Variants in ARHGAP28 observed in about 807,000 individuals in gnomAD.
ARHGAP28 encodes Rho GTPase activating protein 28, also known as rho GTPase-activating protein 28.
In ARHGAP28, 56 loss-of-function variants were observed where a neutral mutation model predicts 90.7. That is an observed-to-expected ratio of 0.62 (90% CI 0.50 to 0.77). The LOEUF is 0.77. ARHGAP28 is among the 30% of genes least tolerant of loss of function. The pLI, the probability that ARHGAP28 is intolerant of heterozygous loss-of-function variation, is 0.00. For synonymous variants in ARHGAP28, 308 were observed against 323.3 expected (o/e 0.95, Z 0.51); for missense variants, 869 against 900.9 (o/e 0.96, Z 0.45).
intron 1 of ARHGAP28, among the ~76,000 whole-genome samples, chr18:6,779,343 G>T (rs1209183245): frequency 6.6e-6 from 1 of 152,190 alleles, no homozygotes; most frequent in Non-Finnish European, 1.5e-5. Flanking sequence ...GCTGATTAGG[G>T]TTGTGGAATT....
chr18:6,759,236 A>G (rs529609934), intron 1 of ARHGAP28, among the ~76,000 whole-genome samples: 5 of 152,280 alleles, frequency 3.3e-5, no homozygotes, highest in African/African-American at 1.2e-4. Context: ...ATGTTTTATT[A>G]AAGAGTTGGT....
rs1327614750 is a variant in ARHGAP28, at chr18:6,915,441, T to G, written c.*3287T>G. 6.6e-6 allele frequency: 1 copy of G among 152,212 alleles called. No individual in the cohort carries two copies. Among genetic ancestry groups the G allele is most frequent in the African/African-American group, 2.4e-5 (1 of 41,466 alleles). The allele number at this position is 152,212 out of a possible 1,614,324, so 9.4% of individuals were successfully genotyped here. On this transcript the variant is annotated 3_prime_UTR_variant, in exon 18 of 18. Coordinates refer to ENST00000383472, the MANE Select transcript of ARHGAP28 (RefSeq NM_001366230.1). ...TTTAACTGTTTTCCACAAATAAAAA[T>G]AATATGTCATGGGATTAAAATGTTT...
chr18:6,854,427 G>A (rs543031853), intron 4 of ARHGAP28, among the ~76,000 whole-genome samples: 4 of 152,222 alleles, frequency 2.6e-5, no homozygotes, highest in Non-Finnish European at 4.4e-5. Flanking sequence ...TGGTCAGCAC[G>A]TAGTGGGTCT....
At chr18:6,864,216 C>A (rs1469142825) in intron 5 of ARHGAP28, among the ~76,000 whole-genome samples, 1 of 152,116 alleles carries the variant, frequency 6.6e-6, no homozygotes, top group African/African-American at 2.4e-5. Flanking sequence ...CAAGCGCACA[C>A]CACCATGCCT....
intron 2 of ARHGAP28, among the ~76,000 whole-genome samples, chr18:6,830,251 T>C (rs1402051881): frequency 1.3e-5 from 2 of 152,218 alleles, no homozygotes; most frequent in Admixed American, 6.5e-5. Context: ...ATAGTCACCG[T>C]ACTGTGCTAC....
rs372462113 is a variant in ARHGAP28 at position 6,870,654 on chromosome 18, T to C, written c.876T>C (p.Tyr292=). 164 of 1,612,660 alleles carry C rather than the reference T, an allele frequency of 1.0e-4. No individual in the cohort carries two copies. Among genetic ancestry groups the C allele is most frequent in the Non-Finnish European group, 1.3e-4 (152 of 1,179,102 alleles). ...EAEELSFEVS[Y]SEMVTEALKR... is the part of the protein sequence containing the mutation. ...AAGAGCTGTCATTTGAAGTGTCTTA[T>C]TCAGAAATGGTTACGGAGGCTCTAA... The change falls in exon 7 of 18, where the codon TAT becomes TAC. Residue 292 remains tyrosine (Y), a synonymous_variant. Transcript: ENST00000383472.
intron 1 of ARHGAP28, among the ~76,000 whole-genome samples, chr18:6,748,162 A>T (rs35451382): frequency 0.38 from 58,073 of 151,932 alleles, 12,618 homozygotes; most frequent in East Asian, 0.55. Flanking sequence ...CTGGAATGAC[A>T]CCACCCCTAG....
intron 1 of ARHGAP28, chr18:6,774,264 C>A (rs145901558): frequency 6.6e-6 from 1 of 152,138 alleles, no homozygotes; most frequent in Admixed American, 6.5e-5. Context: ...TTAATAACTT[C>A]GGCCACAGAC....
At chr18:6,752,722 A>G (rs993963636) in intron 1 of ARHGAP28, among the ~76,000 whole-genome samples, 1 of 152,162 alleles carries the variant, frequency 6.6e-6, no homozygotes, top group Non-Finnish European at 1.5e-5. Flanking sequence ...TGTGTGACAC[A>G]GCAGGCTTTT....
intron 1 of ARHGAP28, among the ~76,000 whole-genome samples, chr18:6,771,517 A>G (rs2143409686): frequency 6.6e-6 from 1 of 152,348 alleles, no homozygotes; most frequent in African/African-American, 2.4e-5. Context: ...AGAGGGAATT[A>G]TGTTCCACAT....
At chr18:6,804,336 G>A (rs2056503492) in intron 1 of ARHGAP28, among the ~76,000 whole-genome samples, 1 of 151,992 alleles carries the variant, frequency 6.6e-6, no homozygotes, top group Non-Finnish European at 1.5e-5. Flanking sequence ...TCTTTTTCCT[G>A]ATCCATCTGG....
chr18:6,763,081 GTTGT>G lies in ARHGAP28; in HGVS notation c.122+33161_122+33164del, dbSNP rs57953826. Among the ~76,000 whole-genome samples, 694 of 151,560 alleles carry G rather than the reference GTTGT, an allele frequency of 4.6e-3. 5 individuals carry two copies. Among genetic ancestry groups the G allele is most frequent in the African/African-American group, 0.013 (522 of 41,330 alleles). ...TCACAATAACTTTATGAGAGGGATG[GTTGT>G]TTGTTTGTTTGTTTGTTTGTTTTGA... On this transcript the variant is annotated intron_variant, in intron 1 of 17. Transcript: ENST00000383472.
intron 3 of ARHGAP28, among the ~76,000 whole-genome samples, chr18:6,838,181 G>A (rs2056769019): frequency 6.6e-6 from 1 of 152,224 alleles, no homozygotes; most frequent in African/African-American, 2.4e-5. Context: ...ATGCAGATGG[G>A]ATTCTTGAAA....
intron 1 of ARHGAP28, among the ~76,000 whole-genome samples, chr18:6,816,689 G>A (rs1405014375): frequency 6.6e-6 from 1 of 152,186 alleles, no homozygotes; most frequent in Non-Finnish European, 1.5e-5. Flanking sequence ...TGTACATGTA[G>A]GTGGGGATGT....
At chr18:6,803,278 T>G (rs2056495451) in intron 1 of ARHGAP28, among the ~76,000 whole-genome samples, 1 of 152,126 alleles carries the variant, frequency 6.6e-6, no homozygotes, top group Admixed American at 6.5e-5. Context: ...TTGCTAAGAA[T>G]TTTTTTACAG....
chr18:6,841,208 C>CCTCTCTCTCTCTCTCTCTCTCTCTCTCT (rs369622522), intron 3 of ARHGAP28, among the ~76,000 whole-genome samples: 3 of 43,132 alleles, frequency 7.0e-5, no homozygotes, highest in Non-Finnish European at 1.3e-4. Context: ...TCTCTCCTCT[C>CCTCTCTCTCTCTCTCTCTCTCTCTCTCT]CTCTCTCTCT....
At chr18:6,839,333 G>C (rs530347097) in intron 3 of ARHGAP28, among the ~76,000 whole-genome samples, 11 of 134,600 alleles carry the variant, frequency 8.2e-5, no homozygotes, top group South Asian at 2.3e-4. Flanking sequence ...TCGCTCTGTC[G>C]CCCAGGCTGG....
chr18:6,915,512 A>T lies in ARHGAP28; in HGVS notation c.*3358A>T, dbSNP rs1009000427. On this transcript the variant is annotated 3_prime_UTR_variant, in exon 18 of 18. Transcript: ENST00000383472. The stretch of plus-strand genomic sequence containing the variant: ...GTTTTACACACTTACATACACCTTA[A>T]TTAAAAATTTTTTTCTGTCAGACAT... 6 of 52,488 alleles carry T rather than the reference A, an allele frequency of 1.1e-4. No individual in the cohort carries two copies. Among genetic ancestry groups the T allele is most frequent in the African/African-American group, 3.7e-4 (6 of 16,102 alleles). 3.3% of individuals were successfully genotyped at this position (52,488 alleles called of 1,614,324 possible). A position where few individuals can be genotyped will look rare whatever the true frequency, so the allele number is the denominator to read the frequency against.
chr18:6,804,751 G>T (rs1317461694), intron 1 of ARHGAP28, among the ~76,000 whole-genome samples: 1 of 152,096 alleles, frequency 6.6e-6, no homozygotes, highest in Non-Finnish European at 1.5e-5. Context: ...AATTTAATTT[G>T]ATTGTAGTCA....
Sources: gnomAD v4.1 joint callset for allele counts (sites outside exome capture counted in the v4.1 genomes callset) on GRCh38, gnomAD v4.1.1 for gene constraint, MANE v1.5 for transcripts, NCBI Gene and HGNC (gene_info 2026-07-23, HGNC 2026-07-21) for gene names.